Variants in ATL2 observed in about 807,000 individuals in gnomAD.
ATL2 encodes the protein atlastin GTPase 2.
A neutral mutation model predicts 73.9 loss-of-function variants in ATL2; 31 were observed. The observed-to-expected ratio is 0.42, with a 90% CI of 0.32 to 0.57. The LOEUF (loss-of-function observed/expected upper bound fraction) is 0.57. Ranked by LOEUF, ATL2 falls within the 20% of genes least tolerant of loss-of-function variation. ATL2 has a pLI of 0.14. For missense variants in ATL2, 738 were observed against 702.6 expected (o/e 1.05, Z -0.57); for synonymous variants, 291 against 237.5 (o/e 1.23, Z -2.07).
At chr2:38,369,948 G>A (rs1266488566) in intron 1 of ATL2, among the ~76,000 whole-genome samples, 1 of 149,898 alleles carries the variant, frequency 6.7e-6, no homozygotes, top group Non-Finnish European at 1.5e-5. Flanking sequence ...TCAGGAGATT[G>A]AGACCATCCT....
intron 2 of ATL2, among the ~76,000 whole-genome samples, chr2:38,340,319 T>C (rs1334690373): frequency 1.3e-5 from 2 of 151,946 alleles, no homozygotes; most frequent in Admixed American, 6.6e-5. Flanking sequence ...CTTTTCTGCA[T>C]GTAAATTATA....
At chr2:38,328,128 G>A (rs575743445) in intron 2 of ATL2, among the ~76,000 whole-genome samples, 2 of 152,198 alleles carry the variant, frequency 1.3e-5, no homozygotes, top group South Asian at 4.1e-4. Flanking sequence ...TTCAAAATAA[G>A]GAAACATAAA....
In ATL2 at chr2:38,318,499, C is replaced by G. The variant is rs201458074; in HGVS notation, c.603+36G>C. ...AAAAAAAAAAGGGGCCAAATGATTA[C>G]GTGAACTGATCGCACCACTTAATCT... is the stretch of plus-strand genomic sequence containing the variant. On this transcript the variant is annotated intron_variant, in intron 4 of 12. Transcript: ENST00000378954. The G allele has an allele frequency of 2.3e-5, 33 of 1,455,644 alleles. No homozygotes were observed. In the East Asian group the frequency reaches 6.5e-4, roughly 29 times the overall value. The allele number at this position is 1,455,644 out of a possible 1,614,324, so 90.2% of individuals were successfully genotyped here. A position where few individuals can be genotyped will look rare whatever the true frequency, so the allele number is the denominator to read the frequency against.
rs1016869850 is a variant in ATL2, at chr2:38,343,639, T to C, written c.119-127A>G. ...CTCCCCCCATTATAGATCATTATAATGTTCCTTTGGATTTCTCACTCCCTC... is the reference window on the plus strand; with the variant it reads ...CTCCCCCCATTATAGATCATTATAACGTTCCTTTGGATTTCTCACTCCCTC... On this transcript the variant is annotated intron_variant, in intron 1 of 12. Coordinates refer to ENST00000378954, the MANE Select transcript of ATL2 (RefSeq NM_001135673.4). 11 of 829,970 alleles carry C rather than the reference T, an allele frequency of 1.3e-5. No individual in the cohort carries two copies. In the Admixed American group the frequency reaches 2.3e-4, roughly 17 times the overall value. 51.4% of individuals were successfully genotyped at this position (829,970 alleles called of 1,614,324 possible). A position where few individuals can be genotyped will look rare whatever the true frequency, so the allele number is the denominator to read the frequency against.
intron 1 of ATL2, among the ~76,000 whole-genome samples, chr2:38,367,961 G>C (rs1240650437): frequency 6.9e-6 from 1 of 144,318 alleles, no homozygotes; most frequent in Admixed American, 6.9e-5. Flanking sequence ...TTTTTGAGGA[G>C]TCTCGCTCTC....
intron 1 of ATL2, among the ~76,000 whole-genome samples, chr2:38,368,025 T>G (rs1222055071): frequency 6.6e-6 from 1 of 151,242 alleles, no homozygotes; most frequent in African/African-American, 2.4e-5. Flanking sequence ...AGCTCCACCT[T>G]CCGGGTTCAC....
intron 10 of ATL2, among the ~76,000 whole-genome samples, chr2:38,299,808 G>C (rs1023632558): frequency 6.6e-6 from 1 of 152,028 alleles, no homozygotes; most frequent in Non-Finnish European, 1.5e-5. Context: ...ATATGAATGG[G>C]GTAAAATGAC....
intron 2 of ATL2, among the ~76,000 whole-genome samples, chr2:38,339,421 C>G (rs1320284371): frequency 1.3e-5 from 2 of 152,102 alleles, no homozygotes; most frequent in African/African-American, 4.8e-5. Context: ...ATATTGGTTT[C>G]TTAGTTTTGC....
intron 8 of ATL2, 25 bp from the exon 9 acceptor site, chr2:38,309,531 A>G (rs1200531944): frequency 1.9e-5 from 30 of 1,595,478 alleles, no homozygotes; most frequent in Non-Finnish European, 2.3e-5. Context: ...ATTGAGCAAC[A>G]TATTAGTCCA....
rs146757499 is a variant in ATL2 at position 38,358,271 on chromosome 2, A to G, written c.119-14759T>C. Reference sequence around the variant, plus strand: ...TTTTCAAGCTAAACTGTAATGCTCTATTTTTCCTGGGAGACTGCTAATACT... The same window carrying G: ...TTTTCAAGCTAAACTGTAATGCTCTGTTTTTCCTGGGAGACTGCTAATACT... On this transcript the variant is annotated intron_variant, in intron 1 of 12. Coordinates refer to ENST00000378954, the MANE Select transcript of ATL2 (RefSeq NM_001135673.4). Among the ~76,000 whole-genome samples the G allele has an allele frequency of 4.4e-3, 672 of 152,238 alleles. 4 individuals carry two copies. The highest frequency in any genetic ancestry group is 0.014 in the African/African-American group (584 of 41,546).
chr2:38,349,535 A>T (rs1359612814), intron 1 of ATL2, among the ~76,000 whole-genome samples: 1 of 61,138 alleles, frequency 1.6e-5, no homozygotes, highest in Non-Finnish European at 3.0e-5. Context: ...GGGTGGGGGG[A>T]GGGGGGAGGG....
chr2:38,377,041 C>CGCGGACTCCGACCCCGCCGCCT (rs1453868580), intron 1 of ATL2, 102 bp downstream of exon 1: 1 of 1,089,066 alleles, frequency 9.2e-7, no homozygotes. Context: ...CTGAACCAGC[C>CGCGGACTCCGACCCCGCCGCCT]GCGGACTCCG....
At chr2:38,344,160 T>C (rs115439295) in intron 1 of ATL2, among the ~76,000 whole-genome samples, 4,526 of 152,186 alleles carry the variant, frequency 0.03, 214 homozygotes, top group African/African-American at 0.1. Flanking sequence ...TTCTGAGCCC[T>C]GTATTATTCT....
rs80160584 is a variant in ATL2, at chr2:38,368,264, T to A, written c.118+8879A>T. 4.7e-5 allele frequency among the ~76,000 whole-genome samples: 7 copies of A among 150,320 alleles called. No individual in the cohort carries two copies. The South Asian group carries it at 8.4e-4, about 18-fold the overall frequency. On this transcript the variant is annotated intron_variant, in intron 1 of 12. Transcript: ENST00000378954. ...AATAAGGACTTTTTTTTTTTTTTTT[T>A]AATTTGAGACGGAGTTTCACTCTTG...
intron 1 of ATL2, among the ~76,000 whole-genome samples, chr2:38,345,935 G>A (rs569938422): frequency 2.0e-5 from 3 of 152,338 alleles, no homozygotes; most frequent in South Asian, 2.1e-4. Context: ...AAATATGTAT[G>A]CTACGCAGTA....
intron 2 of ATL2, among the ~76,000 whole-genome samples, chr2:38,321,587 C>T (rs2148441902): frequency 1.3e-5 from 2 of 152,306 alleles, no homozygotes; most frequent in Middle Eastern, 6.8e-3. Context: ...CCCATTTTTC[C>T]ATAGTCACTG....
chr2:38,318,693 TA>T (rs1160373125), intron 3 of ATL2, 54 bp from the exon 4 acceptor site: 136 of 1,442,092 alleles, frequency 9.4e-5, no homozygotes, highest in African/African-American at 5.8e-5. Flanking sequence ...AAAATGACTA[TA>T]AAAAAAATCA....
At chr2:38,328,084 T>C (rs578124547) in intron 2 of ATL2, among the ~76,000 whole-genome samples, 5 of 152,212 alleles carry the variant, frequency 3.3e-5, no homozygotes, top group African/African-American at 1.2e-4. Flanking sequence ...AAAAGAAAGC[T>C]AGAGTAGCTA....
intron 1 of ATL2, chr2:38,358,600 G>C (rs1670817321): frequency 3.5e-6 from 1 of 284,400 alleles, no homozygotes; most frequent in African/African-American, 2.3e-5. Flanking sequence ...GCTGAGGCCG[G>C]AGAATGGCGT....
Sources: allele counts gnomAD v4.1 joint callset (sites outside exome capture counted in the v4.1 genomes callset), GRCh38; gene constraint gnomAD v4.1.1; transcripts MANE v1.5; gene names NCBI Gene and HGNC (gene_info 2026-07-23, HGNC 2026-07-21).